Variants in CHST11 observed in about 807,000 individuals in gnomAD.
CHST11 encodes the protein carbohydrate sulfotransferase 11, also known as C4S-1.
In CHST11, 9 loss-of-function variants were observed where a neutral mutation model predicts 30.4. The observed-to-expected ratio is 0.30, with a 90% confidence interval of 0.18 to 0.52. The LOEUF (loss-of-function observed/expected upper bound fraction) is 0.52, where lower values mean the gene tolerates loss of function less well. Among genes scored for constraint, CHST11 ranks in the 20% least tolerant of loss-of-function variants. The pLI is 0.97. For synonymous variants in CHST11, 152 were observed against 187.8 expected, an observed-to-expected ratio of 0.81 and a Z score of 1.56; for missense variants, 348 against 460.6, an observed-to-expected ratio of 0.76 and a Z score of 2.24.
intron 1 of CHST11, among the ~76,000 whole-genome samples, chr12:104,532,900 A>G (rs1480478682): frequency 2.0e-5 from 3 of 152,008 alleles, no homozygotes; most frequent in Non-Finnish European, 4.4e-5. Context: ...CTCTCATGCA[A>G]CCCTGTTTAA....
At chr12:104,469,545 T>G (rs1593951500) in intron 1 of CHST11, among the ~76,000 whole-genome samples, 1 of 152,154 alleles carries the variant, frequency 6.6e-6, no homozygotes, top group Admixed American at 6.6e-5. Flanking sequence ...GTTGGGTGGG[T>G]TAGCATGGCT....
intron 2 of CHST11, among the ~76,000 whole-genome samples, chr12:104,727,819 G>A (rs536512317): frequency 1.3e-5 from 2 of 152,296 alleles, no homozygotes; most frequent in Admixed American, 1.3e-4. Context: ...ATGGACTAGT[G>A]GGAGGATAAG....
chr12:104,488,579 G>GTGTA (rs1246916342), intron 1 of CHST11, among the ~76,000 whole-genome samples: 1 of 135,926 alleles, frequency 7.4e-6, no homozygotes, highest in Non-Finnish European at 1.7e-5. Context: ...GTGTATGTGT[G>GTGTA]TGTATGTATG....
intron 1 of CHST11, among the ~76,000 whole-genome samples, chr12:104,575,048 G>T (rs2038669414): frequency 6.6e-6 from 1 of 151,758 alleles, no homozygotes. Flanking sequence ...AAAGAAATGA[G>T]CCGGCGTGGT....
chr12:104,632,486 G>A (rs2039280173), intron 2 of CHST11, among the ~76,000 whole-genome samples: 1 of 152,192 alleles, frequency 6.6e-6, no homozygotes, highest in African/African-American at 2.4e-5. Context: ...CTCCTAAGAA[G>A]TTCCCACTAG....
At chr12:104,636,268 G>A (rs944877816) in intron 2 of CHST11, among the ~76,000 whole-genome samples, 5 of 152,146 alleles carry the variant, frequency 3.3e-5, no homozygotes, top group African/African-American at 7.2e-5. Context: ...CCTCTACCCT[G>A]GCCAGACTGG....
intron 1 of CHST11, among the ~76,000 whole-genome samples, chr12:104,540,604 C>T (rs556340494): frequency 1.3e-5 from 2 of 152,366 alleles, no homozygotes; most frequent in East Asian, 3.9e-4. Context: ...TCCACCCTCA[C>T]CTGGGTGATC....
At chr12:104,500,642 C>T (rs1196056923) in intron 1 of CHST11, among the ~76,000 whole-genome samples, 1 of 152,160 alleles carries the variant, frequency 6.6e-6, no homozygotes, top group African/African-American at 2.4e-5. Flanking sequence ...CATTGGCTCT[C>T]TTGAAGCTAC....
chr12:104,748,553 AG>A (rs1358120200), intron 2 of CHST11, among the ~76,000 whole-genome samples: 8 of 131,478 alleles, frequency 6.1e-5, no homozygotes, highest in Admixed American at 3.1e-4. Context: ...TGGAGGGGGG[AG>A]GGGGGAGATT....
chr12:104,612,356 T>C (rs2039068501), intron 2 of CHST11, among the ~76,000 whole-genome samples: 1 of 152,262 alleles, frequency 6.6e-6, no homozygotes. Context: ...GGGTGATCTT[T>C]GGCTTCCTTG....
At chr12:104,701,062 A>C (rs1441077491) in intron 2 of CHST11, among the ~76,000 whole-genome samples, 1 of 152,164 alleles carries the variant, frequency 6.6e-6, no homozygotes, top group Non-Finnish European at 1.5e-5. Flanking sequence ...AAATATAGCA[A>C]CAACAATAAT....
chr12:104,603,936 C>CT (rs2038979868), intron 2 of CHST11, among the ~76,000 whole-genome samples: 1 of 152,180 alleles, frequency 6.6e-6, no homozygotes, highest in South Asian at 2.1e-4. Context: ...TCATTCACTC[C>CT]TTTTTTTCAT....
chr12:104,673,580 A>C (rs1169310004), intron 2 of CHST11, among the ~76,000 whole-genome samples: 2 of 152,222 alleles, frequency 1.3e-5, no homozygotes, highest in African/African-American at 4.8e-5. Flanking sequence ...GGCAATTAGC[A>C]AAGCACTCCA....
rs191177492 is a variant in CHST11, at chr12:104,660,210, T to C, written c.204+58219T>C. On this transcript the variant is annotated intron_variant, in intron 2 of 2. Coordinates refer to ENST00000303694, the MANE Select transcript of CHST11 (RefSeq NM_018413.6). ...TCAGAAAATACTTGTTGATGCTGTT[T>C]TGATTGTACAGATGCTCTGTTCTTA... Among the ~76,000 whole-genome samples, 136 of 152,266 alleles carry C rather than the reference T, an allele frequency of 8.9e-4. 1 individual carries two copies. Among genetic ancestry groups the C allele is most frequent in the Admixed American group, 7.2e-3 (110 of 15,296 alleles).
intron 2 of CHST11, among the ~76,000 whole-genome samples, chr12:104,720,026 C>T (rs868321860): frequency 2.0e-5 from 3 of 152,330 alleles, no homozygotes; most frequent in Middle Eastern, 3.4e-3. Context: ...GGCACTTTTC[C>T]GCCTTTAGAT....
chr12:104,681,170 G>T (rs1292525952), intron 2 of CHST11, among the ~76,000 whole-genome samples: 1 of 152,214 alleles, frequency 6.6e-6, no homozygotes, highest in Non-Finnish European at 1.5e-5. Flanking sequence ...GGGTGGCAGT[G>T]AGTACAGCTG....
At chr12:104,464,177 C>G (rs2037436600) in intron 1 of CHST11, among the ~76,000 whole-genome samples, 1 of 151,418 alleles carries the variant, frequency 6.6e-6, no homozygotes, top group South Asian at 2.1e-4. Flanking sequence ...AAGCAATTCT[C>G]CTGCCTCAGC....
At chr12:104,460,144 G>C (rs2037393448) in intron 1 of CHST11, among the ~76,000 whole-genome samples, 1 of 152,148 alleles carries the variant, frequency 6.6e-6, no homozygotes, top group African/African-American at 2.4e-5. Context: ...TATCTTGGGG[G>C]TAAGGAGAGC....
rs532891308 is a variant in CHST11, at chr12:104,608,192, C to T, written c.204+6201C>T. Among the ~76,000 whole-genome samples the T allele has an allele frequency of 1.6e-4, 24 of 152,216 alleles. No individual in the cohort carries two copies. The South Asian group carries it at 5.0e-3, about 32-fold the overall frequency. On this transcript the variant is annotated intron_variant, in intron 2 of 2. Coordinates refer to ENST00000303694, the MANE Select transcript of CHST11 (RefSeq NM_018413.6). ...GAAGGGTCTTTAAGCACCCCCTACTCCCTGGTACTAAAAGCCTTTGATTCT... is the reference window on the plus strand; with the variant it reads ...GAAGGGTCTTTAAGCACCCCCTACTTCCTGGTACTAAAAGCCTTTGATTCT...
Sources: allele counts gnomAD v4.1 joint callset (sites outside exome capture counted in the v4.1 genomes callset), GRCh38; gene constraint gnomAD v4.1.1; transcripts MANE v1.5; gene names NCBI Gene and HGNC (gene_info 2026-07-23, HGNC 2026-07-21).